The following ZNF385B variants were observed in gnomAD, a reference collection of about 807,000 sequenced individuals.
The protein encoded by ZNF385B is zinc finger protein 385B.
A neutral mutation model predicts 39.2 loss-of-function variants in ZNF385B; 23 were observed. The ratio of observed to expected loss-of-function variants is 0.59; its 90% CI spans 0.42 to 0.83. The LOEUF is 0.83. Among genes scored for constraint, ZNF385B ranks in the 40% least tolerant of loss-of-function variants. The pLI, the probability that ZNF385B is intolerant of heterozygous loss-of-function variation, is 0.00. For synonymous variants in ZNF385B, 205 were observed against 222.6 expected (o/e 0.92, Z 0.70); for missense variants, 552 against 598.9 (o/e 0.92, Z 0.82).
rs149422622 is a variant in ZNF385B at position 179,822,650 on chromosome 2, C to G, written c.-155+38451G>C. 3.4e-3 allele frequency among the ~76,000 whole-genome samples: 519 copies of G among 152,262 alleles called. 6 individuals are homozygous for G. The highest frequency in any genetic ancestry group is 0.012 in the African/African-American group (503 of 41,558). On this transcript the variant is annotated intron_variant, in intron 1 of 9. Coordinates refer to ENST00000410066, the MANE Select transcript of ZNF385B (RefSeq NM_152520.6). ...AATTTTAATTTGTAACTGAGGCTGG[C>G]ATGTGTTTACCATTTGGGTATAGAG...
intron 1 of ZNF385B, among the ~76,000 whole-genome samples, chr2:179,798,010 T>C (rs1195448656): frequency 6.6e-6 from 1 of 152,160 alleles, no homozygotes. Flanking sequence ...CTTCATTTTT[T>C]TTCCCTGTGT....
chr2:179,525,648 G>T (rs930025438), intron 4 of ZNF385B, among the ~76,000 whole-genome samples: 2 of 152,170 alleles, frequency 1.3e-5, no homozygotes, highest in Non-Finnish European at 2.9e-5. Flanking sequence ...AGGCAGACAT[G>T]ATTATTATCA....
At chr2:179,522,038 G>C (rs2058544676) in intron 4 of ZNF385B, among the ~76,000 whole-genome samples, 1 of 152,130 alleles carries the variant, frequency 6.6e-6, no homozygotes. Flanking sequence ...ACATGATTTA[G>C]ATGATTTAGT....
At chr2:179,666,745 G>A (rs948026806) in intron 3 of ZNF385B, among the ~76,000 whole-genome samples, 5 of 151,972 alleles carry the variant, frequency 3.3e-5, no homozygotes, top group South Asian at 2.1e-4. Context: ...CTGAGGCTAC[G>A]GGAGCTCTTG....
intron 3 of ZNF385B, among the ~76,000 whole-genome samples, chr2:179,654,023 T>C (rs1209359800): frequency 1.3e-5 from 2 of 152,218 alleles, no homozygotes; most frequent in African/African-American, 4.8e-5. Flanking sequence ...ATTAATTTTT[T>C]AGTATATTTC....
chr2:179,493,711 A>G (rs1293953935), intron 5 of ZNF385B, among the ~76,000 whole-genome samples: 3 of 51,820 alleles, frequency 5.8e-5, no homozygotes, highest in African/African-American at 1.6e-4. Flanking sequence ...ATGTATACAC[A>G]TATGCATATA....
At chr2:179,685,370 T>C (rs79595900) in intron 3 of ZNF385B, among the ~76,000 whole-genome samples, 6,277 of 152,312 alleles carry the variant, frequency 0.041, 178 homozygotes, top group Non-Finnish European at 0.056. Context: ...CATTATCCCT[T>C]GATGCTTCTT....
intron 6 of ZNF385B, among the ~76,000 whole-genome samples, chr2:179,478,981 C>T (rs986323769): frequency 1.3e-4 from 20 of 152,106 alleles, no homozygotes; most frequent in Admixed American, 2.6e-4. Flanking sequence ...TAGCCATCTT[C>T]CTGAAGCTGC....
chr2:179,460,148 T>G (rs753009259), intron 6 of ZNF385B, among the ~76,000 whole-genome samples: 28 of 151,936 alleles, frequency 1.8e-4, no homozygotes, highest in Admixed American at 2.6e-4. Flanking sequence ...TAATGTCTCA[T>G]AGTAGTAAGT....
chr2:179,714,951 A>AAAAC (rs1700234040), intron 3 of ZNF385B, among the ~76,000 whole-genome samples: 1 of 150,418 alleles, frequency 6.6e-6, no homozygotes, highest in Admixed American at 6.6e-5. Flanking sequence ...TCAAAAAAAA[A>AAAAC]AAAAAAAAAA....
intron 5 of ZNF385B, among the ~76,000 whole-genome samples, chr2:179,491,885 G>A (rs2055270327): frequency 6.6e-6 from 1 of 151,624 alleles, no homozygotes; most frequent in South Asian, 2.1e-4. Context: ...ATTTTTTGGA[G>A]AGGTGAGGTC....
intron 6 of ZNF385B, among the ~76,000 whole-genome samples, chr2:179,464,464 G>T (rs2051747302): frequency 6.6e-6 from 1 of 152,118 alleles, no homozygotes; most frequent in South Asian, 2.1e-4. Flanking sequence ...TTTTCCTCTA[G>T]GATTTTTATG....
At chr2:179,673,328 T>G (rs1696297149) in intron 3 of ZNF385B, among the ~76,000 whole-genome samples, 1 of 152,130 alleles carries the variant, frequency 6.6e-6, no homozygotes. Flanking sequence ...TCCAAAATTA[T>G]GAGCCACCAT....
At chr2:179,553,696 T>C (rs2060722102) in intron 3 of ZNF385B, among the ~76,000 whole-genome samples, 1 of 149,146 alleles carries the variant, frequency 6.7e-6, no homozygotes, top group South Asian at 2.1e-4. Flanking sequence ...AGCTGTTACA[T>C]GAAAAAGATT....
chr2:179,852,993 T>C (rs769484173), intron 1 of ZNF385B, among the ~76,000 whole-genome samples: 6 of 152,166 alleles, frequency 3.9e-5, no homozygotes, highest in Non-Finnish European at 8.8e-5. Context: ...TCTTAAATAT[T>C]TTACTCCTAT....
chr2:179,814,709 A>G, intron 1 of ZNF385B: 1 of 239,780 alleles, frequency 4.2e-6, no homozygotes, highest in South Asian at 5.9e-5. Flanking sequence ...AATGTTGTGG[A>G]GGCCTTTTCA....
intron 1 of ZNF385B, among the ~76,000 whole-genome samples, chr2:179,789,472 C>T (rs947882331): frequency 1.3e-5 from 2 of 152,112 alleles, no homozygotes; most frequent in African/African-American, 2.4e-5. Context: ...ATATAGGCAG[C>T]TGGCAGTCAA....
rs1301574539 is a variant in ZNF385B at position 179,442,626 on chromosome 2, A to G, written c.*624T>C. The G allele has an allele frequency of 6.5e-6, 1 of 152,804 alleles. No individual in the cohort carries two copies. Among genetic ancestry groups the G allele is most frequent in the Non-Finnish European group, 1.5e-5 (1 of 68,144 alleles). 9.5% of individuals were successfully genotyped at this position (152,804 alleles called of 1,614,324 possible). Reference sequence around the variant, plus strand: ...TTCCTAACATTTACACAGCAACTAAAAATGTTTAATTCAGACAAGAGATAC... The same window carrying G: ...TTCCTAACATTTACACAGCAACTAAGAATGTTTAATTCAGACAAGAGATAC... On this transcript the variant is annotated 3_prime_UTR_variant, in exon 10 of 10. Transcript: ENST00000410066.
intron 6 of ZNF385B, among the ~76,000 whole-genome samples, chr2:179,451,078 C>T (rs1309820414): frequency 8.1e-6 from 1 of 123,514 alleles, no homozygotes; most frequent in East Asian, 2.3e-4. Context: ...GGAAGGGGAA[C>T]ATCACACACT....
Sources: allele counts gnomAD v4.1 joint callset (sites outside exome capture counted in the v4.1 genomes callset), GRCh38; gene constraint gnomAD v4.1.1; transcripts MANE v1.5; gene names NCBI Gene and HGNC (gene_info 2026-07-23, HGNC 2026-07-21).